Variants in RYR3 observed in about 807,000 individuals in gnomAD.
The protein encoded by RYR3 is ryanodine receptor 3, also known as brain ryanodine receptor-calcium release channel.
In RYR3, 207 loss-of-function variants were observed where a neutral mutation model predicts 584.3. The observed-to-expected ratio is 0.35, with a 90% confidence interval of 0.32 to 0.40. The LOEUF (loss-of-function observed/expected upper bound fraction) is 0.40. Ranked by LOEUF, RYR3 falls within the 10% of genes least tolerant of loss-of-function variation. The pLI is 1.00. For missense variants in RYR3, 5,616 were observed against 6,089.2 expected, an observed-to-expected ratio of 0.92 and a Z score of 2.59; for synonymous variants, 2,416 against 2,248.5, an observed-to-expected ratio of 1.07 and a Z score of -2.11.
intron 38 of RYR3, among the ~76,000 whole-genome samples, chr15:33,680,754 C>A (rs1270218130): frequency 6.6e-6 from 1 of 152,178 alleles, no homozygotes; most frequent in Non-Finnish European, 1.5e-5. Flanking sequence ...GAAAACTGTG[C>A]AAAAGCAGGG....
intron 4 of RYR3, among the ~76,000 whole-genome samples, chr15:33,531,532 A>G (rs1306132728): frequency 1.3e-5 from 2 of 152,046 alleles, no homozygotes; most frequent in Non-Finnish European, 2.9e-5. Flanking sequence ...ATTTCCACAC[A>G]TTTATACCAG....
chr15:33,852,420 G>C (rs2079199708), intron 94 of RYR3: 1 of 152,188 alleles, frequency 6.6e-6, no homozygotes, highest in South Asian at 2.1e-4. Flanking sequence ...GGGATGCTAG[G>C]GGATGGTACA....
At chr15:33,575,285 G>A (rs943646953) in intron 12 of RYR3, among the ~76,000 whole-genome samples, 2 of 152,140 alleles carry the variant, frequency 1.3e-5, no homozygotes, top group African/African-American at 4.8e-5. Context: ...CCTGATAAAT[G>A]TCTACATAAC....
intron 43 of RYR3, among the ~76,000 whole-genome samples, chr15:33,713,636 G>A (rs144544226): frequency 6.6e-6 from 1 of 152,260 alleles, no homozygotes; most frequent in East Asian, 1.9e-4. Context: ...AATGAGGGAA[G>A]CATCTTAGTC....
In RYR3 at chr15:33,844,986, C is replaced by T; in HGVS notation, c.13421C>T (p.Ala4474Val). Reference protein sequence around the residue: ...FVLQESTGYMAPTLRALAIIH... With the variant: ...FVLQESTGYMVPTLRALAIIH... ...CTTCAGGAGAGCACCGGGTATATGG[C>T]ACCAACCCTGCGTGCCCTGGCCATC... The change falls in exon 93 of 104, where the codon GCA becomes GTA. Residue 4474 changes from alanine (A) to valine (V), a missense_variant. Physicochemically the swap from Ala to Val is moderately conservative, Grantham distance 64. Transcript: ENST00000634891. The T allele has an allele frequency of 1.2e-6, 2 of 1,613,980 alleles. No homozygotes were observed. The highest frequency in any genetic ancestry group is 1.7e-6 in the Non-Finnish European group (2 of 1,179,884).
intron 1 of RYR3, among the ~76,000 whole-genome samples, chr15:33,349,106 CTTTT>C (rs749996197): frequency 8.8e-6 from 1 of 113,554 alleles, no homozygotes; most frequent in Non-Finnish European, 1.8e-5. Context: ...TAGCTTGTGC[CTTTT>C]TTTTTTTTTT....
At chr15:33,351,496 T>A (rs1435225315) in intron 1 of RYR3, among the ~76,000 whole-genome samples, 1 of 150,724 alleles carries the variant, frequency 6.6e-6, no homozygotes, top group Non-Finnish European at 1.5e-5. Context: ...TGAACATTGA[T>A]GCAAAAATCC....
chr15:33,405,581 T>C lies in RYR3; in HGVS notation c.52-67838T>C, dbSNP rs186293829. 2.3e-3 allele frequency among the ~76,000 whole-genome samples: 357 copies of C among 152,328 alleles called. 1 individual carries two copies. Among genetic ancestry groups the C allele is most frequent in the African/African-American group, 8.0e-3 (333 of 41,566 alleles). ...AATACTTTTTTAAAAATATAAAGCA[T>C]CATAGTTTAGTCACTTGACTAGCTG... On this transcript the variant is annotated intron_variant, in intron 1 of 103. Coordinates refer to ENST00000634891, the MANE Select transcript of RYR3 (RefSeq NM_001036.6).
chr15:33,791,369 C>T (rs1355842962), intron 67 of RYR3, among the ~76,000 whole-genome samples: 1 of 152,006 alleles, frequency 6.6e-6, no homozygotes, highest in African/African-American at 2.4e-5. Context: ...GTGACACACA[C>T]ACACACACAC....
In RYR3 at chr15:33,586,038, A is replaced by G. The variant is rs1035915894; in HGVS notation, c.1710A>G (p.Pro570=). 1 of 1,613,656 alleles carries G rather than the reference A, an allele frequency of 6.2e-7. No individual in the cohort carries two copies. The highest frequency in any genetic ancestry group is 1.3e-5 in the African/African-American group (1 of 75,038). ...TGCACTGCATCTTAACTGAAAGCCC[A>G]GAAGCCTTAAATCTGATAGCGGAGG... ...EVLHCILTES[P]EALNLIAEGH... Residue 570 remains proline, a synonymous_variant, in exon 16 of 104, where the codon CCA becomes CCG. Transcript: ENST00000634891.
At chr15:33,642,289 G>A (rs1419916692) in intron 27 of RYR3, among the ~76,000 whole-genome samples, 2 of 152,170 alleles carry the variant, frequency 1.3e-5, no homozygotes, top group Non-Finnish European at 1.5e-5. Flanking sequence ...CCAGGTTCAT[G>A]GAGAATGGAA....
chr15:33,409,048 G>C (rs547798195), intron 1 of RYR3, among the ~76,000 whole-genome samples: 1 of 152,220 alleles, frequency 6.6e-6, no homozygotes, highest in East Asian at 1.9e-4. Context: ...TTCTCATAAT[G>C]CATTAGGGGT....
At chr15:33,755,396 G>A (rs886440854) in intron 58 of RYR3, among the ~76,000 whole-genome samples, 62 of 152,030 alleles carry the variant, frequency 4.1e-4, no homozygotes, top group Admixed American at 1.3e-3. Flanking sequence ...CGAGGCGGGC[G>A]GATCATGAGG....
At chr15:33,823,148 A>C (rs1482643725) in intron 81 of RYR3, 76 bp downstream of exon 81, 3 of 1,193,282 alleles carry the variant, frequency 2.5e-6, no homozygotes. Flanking sequence ...AGGGGAGCAC[A>C]AAATATACTG....
At position 33,659,720 on chromosome 15, in the gene RYR3, G is replaced by A. The variant is rs778632896; in HGVS notation, c.4309G>A (p.Val1437Met). Residue 1437 changes from valine to methionine, a missense_variant and splice_region_variant, in exon 33 of 104, where the codon GTG becomes ATG. Val to Met is a conservative substitution (Grantham distance 21). This residue lies in a region of RYR3 where 753 missense variants were observed against 741.0 expected (regional missense o/e 1.02). Transcript: ENST00000634891. ...GCTTTCGATTTGTTTTGATTTCCAG[G>A]TGGAGCCTAATACCAAAGTGTTTCC... ...NGKELGTCYQ[V>M]EPNTKVFPAV... 3 of 1,604,012 alleles carry A rather than the reference G, an allele frequency of 1.9e-6. No homozygotes were observed. Among genetic ancestry groups the A allele is most frequent in the Admixed American group, 3.3e-5 (2 of 59,998 alleles).
intron 103 of RYR3, 137 bp downstream of exon 103, chr15:33,864,326 A>C (rs1889654127): frequency 1.5e-6 from 1 of 666,674 alleles, no homozygotes; most frequent in Non-Finnish European, 2.5e-6. Flanking sequence ...CCTTTTTGTG[A>C]CTCAATAAGA....
At chr15:33,742,151 C>G (rs1022561641) in intron 51 of RYR3, among the ~76,000 whole-genome samples, 1 of 152,198 alleles carries the variant, frequency 6.6e-6, no homozygotes, top group African/African-American at 2.4e-5. Flanking sequence ...CAGAGATGTT[C>G]CATGGTTAGA....
At chr15:33,376,237 C>A (rs1291100048) in intron 1 of RYR3, among the ~76,000 whole-genome samples, 1 of 152,112 alleles carries the variant, frequency 6.6e-6, no homozygotes, top group Non-Finnish European at 1.5e-5. Flanking sequence ...TTTTTTGTGT[C>A]TGGCTTCTTT....
At chr15:33,628,440 C>G (rs546702954) in intron 20 of RYR3, 31 bp from the exon 21 acceptor site, 2 of 1,461,150 alleles carry the variant, frequency 1.4e-6, no homozygotes, top group Admixed American at 1.7e-5. Flanking sequence ...TCAAAACAAT[C>G]GATTCTTTTC....
Sources: allele counts gnomAD v4.1 joint callset (sites outside exome capture counted in the v4.1 genomes callset), GRCh38; gene constraint gnomAD v4.1.1; regional missense constraint gnomAD v4.1.1; transcripts MANE v1.5; gene names NCBI Gene and HGNC (gene_info 2026-07-23, HGNC 2026-07-21).